The following CFAP54 variants were observed in gnomAD, a reference collection of about 807,000 sequenced individuals.
CFAP54 encodes cilia and flagella associated protein 54, also known as cilia- and flagella-associated protein 54.
In CFAP54, 290 loss-of-function variants were observed where a neutral mutation model predicts 370.4. The ratio of observed to expected loss-of-function variants is 0.78; its 90% CI spans 0.71 to 0.86. The LOEUF (loss-of-function observed/expected upper bound fraction) is 0.86, where lower values mean the gene tolerates loss of function less well. Among genes scored for constraint, CFAP54 ranks in the 40% least tolerant of loss-of-function variants. The pLI, the probability that CFAP54 is intolerant of heterozygous loss-of-function variation, is 0.00. For synonymous variants in CFAP54, 1,206 were observed against 1,236.5 expected (o/e 0.98, Z 0.52); for missense variants, 3,399 against 3,528.7 (o/e 0.96, Z 0.93).
At chr12:96,641,412 A>G (rs577592191) in intron 32 of CFAP54, among the ~76,000 whole-genome samples, 2 of 152,328 alleles carry the variant, frequency 1.3e-5, no homozygotes, top group Admixed American at 1.3e-4. Flanking sequence ...GGCGATCATT[A>G]AAAAGTCAGG....
At chr12:96,588,484 C>T (rs1412488326) in intron 22 of CFAP54, among the ~76,000 whole-genome samples, 1 of 152,184 alleles carries the variant, frequency 6.6e-6, no homozygotes, top group Non-Finnish European at 1.5e-5. Flanking sequence ...TCTATCTAAA[C>T]TTTGAAGAGT....
rs1293263449 is a variant in CFAP54 at position 96,521,756 on chromosome 12, C to T, written c.943-101C>T. 11 of 851,532 alleles carry T rather than the reference C, an allele frequency of 1.3e-5. No homozygotes were observed. In the African/African-American group the frequency reaches 1.9e-4, roughly 14 times the overall value. 52.7% of individuals were successfully genotyped at this position (851,532 alleles called of 1,614,324 possible). On this transcript the variant is annotated intron_variant, in intron 6 of 67. Coordinates refer to ENST00000524981, the MANE Select transcript of CFAP54 (RefSeq NM_001306084.2). ...GTCAGCATTAACCTAGAGCTTAATT[C>T]ACAGATTAAATCAAATGCCTGGGAG...
At chr12:96,611,470 A>G (rs1956357713) in intron 26 of CFAP54, among the ~76,000 whole-genome samples, 2 of 152,226 alleles carry the variant, frequency 1.3e-5, no homozygotes, top group Admixed American at 6.5e-5. Flanking sequence ...AATTCTAAAA[A>G]TCAGAGTGGC....
intron 48 of CFAP54, among the ~76,000 whole-genome samples, chr12:96,712,018 G>A (rs4762323): frequency 0.85 from 129,083 of 152,186 alleles, 55,007 homozygotes; most frequent in East Asian, 0.95. Context: ...AAGTTAATTA[G>A]TATCTCTACC....
At chr12:96,664,494 G>C (rs1226709669) in intron 39 of CFAP54, among the ~76,000 whole-genome samples, 1 of 151,590 alleles carries the variant, frequency 6.6e-6, no homozygotes, top group Non-Finnish European at 1.5e-5. Flanking sequence ...AGTATTCCAT[G>C]GTGTATATGT....
chr12:96,773,061 C>A (rs528277547), intron 60 of CFAP54, among the ~76,000 whole-genome samples: 110 of 152,326 alleles, frequency 7.2e-4, no homozygotes, highest in Middle Eastern at 6.8e-3. Context: ...CTTATATCAA[C>A]TGTCAGAGTT....
At chr12:96,747,365 C>T (rs1958128488) in intron 55 of CFAP54, among the ~76,000 whole-genome samples, 1 of 152,160 alleles carries the variant, frequency 6.6e-6, no homozygotes, top group South Asian at 2.1e-4. Context: ...TGTTTATTGT[C>T]TTCTTTTTGC....
chr12:96,645,149 A>G (rs1220679698), intron 33 of CFAP54: 1 of 456,576 alleles, frequency 2.2e-6, no homozygotes, highest in Non-Finnish European at 4.4e-6. Context: ...TCTATCATTA[A>G]CTCAACAGAC....
intron 60 of CFAP54, among the ~76,000 whole-genome samples, chr12:96,784,111 A>G (rs773794212): frequency 5.9e-5 from 9 of 152,242 alleles, no homozygotes; most frequent in Non-Finnish European, 8.8e-5. Flanking sequence ...TAATATTGCA[A>G]ACAACACTTT....
chr12:96,682,813 G>C (rs1957287224), intron 40 of CFAP54, among the ~76,000 whole-genome samples: 1 of 152,196 alleles, frequency 6.6e-6, no homozygotes, highest in Admixed American at 6.5e-5. Flanking sequence ...GAAGCTTCCA[G>C]CCTCCTCTGT....
intron 66 of CFAP54, among the ~76,000 whole-genome samples, chr12:96,832,758 A>T (rs1451458942): frequency 6.6e-6 from 1 of 152,170 alleles, no homozygotes; most frequent in East Asian, 1.9e-4. Flanking sequence ...TGTAATTTGG[A>T]TTATTGTTGA....
chr12:96,593,567 A>G (rs1291819790), intron 24 of CFAP54, among the ~76,000 whole-genome samples: 2 of 152,166 alleles, frequency 1.3e-5, no homozygotes, highest in Admixed American at 6.5e-5. Context: ...CAATCTGAAA[A>G]CAAAGACAAT....
chr12:96,576,761 G>C lies in CFAP54; in HGVS notation c.2796G>C (p.Lys932Asn). The C allele has an allele frequency of 3.9e-6, 6 of 1,527,314 alleles. No homozygotes were observed. The South Asian group carries it at 7.3e-5, about 19-fold the overall frequency. 94.6% of individuals were successfully genotyped at this position (1,527,314 alleles called of 1,614,324 possible). A position where few individuals can be genotyped will look rare whatever the true frequency, so the allele number is the denominator to read the frequency against. ...CTGCTCCATTTACTTCAGAGGTTAAGGTATGGTGTCCAGTAAAATTTTTGC... is the reference window on the plus strand; with the variant it reads ...CTGCTCCATTTACTTCAGAGGTTAACGTATGGTGTCCAGTAAAATTTTTGC... Reference protein sequence around the residue: ...LKPAPFTSEVKVSWYCILGCK... With the variant: ...LKPAPFTSEVNVSWYCILGCK... Residue 932 changes from lysine to asparagine, a missense_variant and splice_region_variant, in exon 20 of 68, where the codon AAG becomes AAC. By Grantham distance (94) the Lys-to-Asn change is moderately conservative. Coordinates refer to ENST00000524981, the MANE Select transcript of CFAP54 (RefSeq NM_001306084.2).
intron 9 of CFAP54, among the ~76,000 whole-genome samples, chr12:96,527,839 A>T (rs1348740757): frequency 6.6e-6 from 1 of 152,170 alleles, no homozygotes; most frequent in Non-Finnish European, 1.5e-5. Context: ...AAGTGCTGGA[A>T]TTACAGGTGT....
chr12:96,777,745 G>A (rs1264213379), intron 60 of CFAP54, among the ~76,000 whole-genome samples: 2 of 152,118 alleles, frequency 1.3e-5, no homozygotes, highest in African/African-American at 4.8e-5. Flanking sequence ...TGCTAGGATG[G>A]TTTGGTGCCA....
At chr12:96,539,706 TA>T (rs1955549944) in intron 13 of CFAP54, among the ~76,000 whole-genome samples, 2 of 151,902 alleles carry the variant, frequency 1.3e-5, no homozygotes, top group Admixed American at 6.6e-5. Flanking sequence ...AAAATAAATA[TA>T]ATGTATCTGA....
intron 38 of CFAP54, among the ~76,000 whole-genome samples, chr12:96,658,711 C>T (rs747414768): frequency 2.6e-5 from 4 of 151,996 alleles, no homozygotes; most frequent in Admixed American, 1.3e-4. Flanking sequence ...CTGCAACCTC[C>T]GCCTCTTCCT....
intron 65 of CFAP54, among the ~76,000 whole-genome samples, chr12:96,824,734 G>C (rs1355019713): frequency 6.6e-6 from 1 of 152,056 alleles, no homozygotes. Flanking sequence ...TACCCAAACT[G>C]TTTGAGTGGT....
Position 96,650,035 on chromosome 12 carries a change from A to C in CFAP54, c.4835A>C (p.His1612Pro). ...GGAGCAAATTTGTGTGTAATGGATC[A>C]TTTTATGAAAATCTTTTTATACTGC... ...DRGANLCVMD[H>P]FMKIFLYCRR... is the part of the protein sequence containing the mutation. The change falls in exon 35 of 68, where the codon CAT (histidine) becomes CCT (proline). Residue 1612 changes from histidine (H) to proline (P), a missense_variant. This residue lies in a region of CFAP54 where 2,796 missense variants were observed against 2,869.7 expected (regional missense o/e 0.97). Coordinates refer to ENST00000524981, the MANE Select transcript of CFAP54 (RefSeq NM_001306084.2). 6.2e-7 allele frequency: 1 copy of C among 1,612,872 alleles called. No homozygotes were observed. The highest frequency in any genetic ancestry group is 1.3e-5 in the African/African-American group (1 of 75,006).
Sources: allele counts gnomAD v4.1 joint callset (sites outside exome capture counted in the v4.1 genomes callset), GRCh38; gene constraint gnomAD v4.1.1; regional missense constraint gnomAD v4.1.1; transcripts MANE v1.5; gene names NCBI Gene and HGNC (gene_info 2026-07-23, HGNC 2026-07-21).